The following MON1A variants were observed in gnomAD, a reference collection of about 807,000 sequenced individuals.
MON1A encodes the protein MON1 vesicular trafficking associated A.
Under a neutral mutation model 44.6 loss-of-function variants are expected in MON1A, and 29 were observed. The ratio of observed to expected loss-of-function variants is 0.65; its 90% confidence interval spans 0.48 to 0.89. The LOEUF is 0.89. Among genes scored for constraint, MON1A ranks in the 40% least tolerant of loss-of-function variants. MON1A has a pLI of 0.00. For synonymous variants in MON1A, 275 were observed against 316.4 expected (o/e 0.87, Z 1.39); for missense variants, 615 against 759.6 (o/e 0.81, Z 2.24).
Position 49,929,753 on chromosome 3 carries a change from C to A in MON1A, c.-158G>T. The A allele has an allele frequency of 6.5e-7, 1 of 1,549,758 alleles. No homozygotes were observed. Among genetic ancestry groups the A allele is most frequent in the Non-Finnish European group, 8.7e-7 (1 of 1,146,716 alleles). ...CGGCCCCCTGCGTACACAGACATGG[C>A]CACAGCGCAGGCACCGCTCCCTCCC... On this transcript the variant is annotated 5_prime_UTR_variant, in exon 1 of 6. Coordinates refer to ENST00000296473, the MANE Select transcript of MON1A (RefSeq NM_032355.4).
chr3:49,924,500 GA>G, intron 1 of MON1A: 1 of 276,964 alleles, frequency 3.6e-6, no homozygotes, highest in Non-Finnish European at 7.6e-6. Context: ...ACAACATGGT[GA>G]AACCCCATCT....
Position 49,911,484 on chromosome 3 carries a change from TGGCC to T in MON1A, c.613+38_613+41del. The T allele has an allele frequency of 6.4e-7, 1 of 1,566,218 alleles. No individual in the cohort carries two copies. The highest frequency in any genetic ancestry group is 1.9e-4 in the Middle Eastern group (1 of 5,278). On this transcript the variant is annotated intron_variant, in intron 3 of 5. Transcript: ENST00000296473. This position sits in a 1 kb window ranked among gnomAD's most constrained non-coding sequence, Gnocchi z 5.7. ...TCCAAAACCTGCTATGAATGAACCT[TGGCC>T]AGGGGAGCCCGCCCCATTCCCTCTC...
chr3:49,926,569 A>T (rs1456942993), intron 1 of MON1A, among the ~76,000 whole-genome samples: 1 of 151,790 alleles, frequency 6.6e-6, no homozygotes, highest in African/African-American at 2.4e-5. Context: ...TGATCCTTCC[A>T]CCTCAGCCTC....
chr3:49,922,585 A>G (rs1011226285), intron 1 of MON1A, among the ~76,000 whole-genome samples: 16 of 149,196 alleles, frequency 1.1e-4, no homozygotes, highest in Non-Finnish European at 1.6e-4. Context: ...GAAGGAAGGA[A>G]AGAAGGAAGG....
intron 1 of MON1A, among the ~76,000 whole-genome samples, chr3:49,917,588 G>A (rs983138146): frequency 1.1e-4 from 17 of 151,480 alleles, no homozygotes; most frequent in African/African-American, 4.1e-4. Flanking sequence ...ACGCCTGGCC[G>A]GAATGCCCTA....
intron 1 of MON1A, among the ~76,000 whole-genome samples, chr3:49,919,137 C>T (rs1374209680): frequency 1.3e-5 from 2 of 152,122 alleles, no homozygotes; most frequent in Non-Finnish European, 2.9e-5. Flanking sequence ...GAGTGGTGAT[C>T]ACACCACTGC....
In MON1A at chr3:49,918,164, C is replaced by T. The variant is rs141918568; in HGVS notation, c.-13-4805G>A. Among the ~76,000 whole-genome samples, 1,390 of 151,962 alleles carry T rather than the reference C, an allele frequency of 9.1e-3. 24 individuals are homozygous for T. Among genetic ancestry groups the T allele is most frequent in the African/African-American group, 0.032 (1,340 of 41,444 alleles). On this transcript the variant is annotated intron_variant, in intron 1 of 5. Coordinates refer to ENST00000296473, the MANE Select transcript of MON1A (RefSeq NM_032355.4). ...CCAGCCTGACTAACATGGTGAAACC[C>T]CATCTCTACTAAATAAAAAAAAATT...
At chr3:49,918,264 G>C (rs1195961945) in intron 1 of MON1A, among the ~76,000 whole-genome samples, 1 of 151,774 alleles carries the variant, frequency 6.6e-6, no homozygotes, top group African/African-American at 2.4e-5. Context: ...TTGTACCTGG[G>C]AGGCAGAGGT....
chr3:49,909,304 G>A lies in MON1A; in HGVS notation c.1476C>T (p.Arg492=). 1 of 1,614,012 alleles carries A rather than the reference G, an allele frequency of 6.2e-7. No individual in the cohort carries two copies. Residue 492 remains arginine (R), a synonymous_variant, in exon 5 of 6, where the codon CGC becomes CGT. Transcript: ENST00000296473. The surrounding 1 kb of genome is among the most constrained non-coding windows in gnomAD (Gnocchi z 4.0). ...YLHSRAHNAS[R]PLKTIYYTGP... The stretch of plus-strand genomic sequence containing the variant: ...CCGTGTAGTAAATGGTCTTGAGTGG[G>A]CGAGAGGCATTGTGGGCACGACTGT...
At chr3:49,913,660 A>ATTTT (rs1165487319) in intron 1 of MON1A, among the ~76,000 whole-genome samples, 2 of 113,696 alleles carry the variant, frequency 1.8e-5, no homozygotes, top group Non-Finnish European at 1.9e-5. Context: ...TCCTTCTAGT[A>ATTTT]TTTTTTTTTT....
At chr3:49,923,335 A>G (rs1236003513) in intron 1 of MON1A, among the ~76,000 whole-genome samples, 3 of 87,526 alleles carry the variant, frequency 3.4e-5, no homozygotes, top group African/African-American at 4.1e-5. Context: ...CTGGGAGGGA[A>G]GGAAGGGAGG....
rs772156767 is a variant in MON1A, at chr3:49,913,243, C to G, written c.104G>C (p.Gly35Ala). 1.2e-6 allele frequency: 2 copies of G among 1,614,230 alleles called. No individual in the cohort carries two copies. Among genetic ancestry groups the G allele is most frequent in the Non-Finnish European group, 1.7e-6 (2 of 1,180,046 alleles). Residue 35 changes from glycine (G) to alanine (A), a missense_variant, in exon 2 of 6, where the codon GGA (glycine) becomes GCA (alanine). Gly to Ala is a moderately conservative substitution (Grantham distance 60). Coordinates refer to ENST00000296473, the MANE Select transcript of MON1A (RefSeq NM_032355.4). Reference sequence around the variant, plus strand: ...ACCTGGCTCCATTCCCTGGGCCATTCCTGGTGTGGGGCTCTCAGCTCTCTC... The same window carrying G: ...ACCTGGCTCCATTCCCTGGGCCATTGCTGGTGTGGGGCTCTCAGCTCTCTC... ...SMERAESPTP[G>A]MAQGMEPGAG...
rs767926183 is a variant in MON1A, at chr3:49,911,546, G to A, written c.593C>T (p.Ala198Val). Reference protein sequence around the residue: ...LVSFLEADKNAIRSIHADGYK... With the variant: ...LVSFLEADKNVIRSIHADGYK... ...CTCACCTGCATGGATGGAGCGGATG[G>A]CGTTCTTGTCTGCCTCCAGGAAGGA... is the stretch of plus-strand genomic sequence containing the variant. The change falls in exon 3 of 6, where the codon GCC (alanine) becomes GTC (valine). Residue 198 changes from alanine (A) to valine (V), a missense_variant. Coordinates refer to ENST00000296473, the MANE Select transcript of MON1A (RefSeq NM_032355.4). The surrounding 1 kb of genome is among the most constrained non-coding windows in gnomAD (Gnocchi z 5.7). 3.1e-6 allele frequency: 5 copies of A among 1,612,130 alleles called. No individual in the cohort carries two copies. In the Admixed American group the frequency reaches 8.3e-5, roughly 27 times the overall value.
intron 1 of MON1A, among the ~76,000 whole-genome samples, chr3:49,919,043 TGTG>T: frequency 6.6e-6 from 1 of 152,056 alleles, no homozygotes; most frequent in East Asian, 1.9e-4. Flanking sequence ...ATTAACCAGG[TGTG>T]GTGGCATGCA....
intron 1 of MON1A, among the ~76,000 whole-genome samples, chr3:49,921,333 A>AT (rs1451590651): frequency 2.0e-5 from 3 of 149,842 alleles, no homozygotes; most frequent in Non-Finnish European, 4.5e-5. Flanking sequence ...AATTTTTTGT[A>AT]TTTTTTAGTA....
Position 49,911,440 on chromosome 3 carries a change from G to A in MON1A, c.613+86C>T, listed in dbSNP as rs1430876799. ...ACCCTCAGTCACACAGCACATCCCA[G>A]CCCTCTGGTCTGCAGGGGTCCAAAA... On this transcript the variant is annotated intron_variant, in intron 3 of 5. Transcript: ENST00000296473. This position sits in a 1 kb window ranked among gnomAD's most constrained non-coding sequence, Gnocchi z 5.7. 6.6e-7 allele frequency: 1 copy of A among 1,510,816 alleles called. No individual in the cohort carries two copies. Among genetic ancestry groups the A allele is most frequent in the African/African-American group, 1.4e-5 (1 of 71,902 alleles). 93.6% of individuals were successfully genotyped at this position (1,510,816 alleles called of 1,614,324 possible).
At position 49,909,499 on chromosome 3, in the gene MON1A, C is replaced by T; in HGVS notation, c.1380-99G>A. ...CTATTCCTATCCAGGAAGACTCTAT[C>T]TTATGTCCTACCCTCCAGGTGCTCC... On this transcript the variant is annotated intron_variant, in intron 4 of 5. Coordinates refer to ENST00000296473, the MANE Select transcript of MON1A (RefSeq NM_032355.4). This position sits in a 1 kb window ranked among gnomAD's most constrained non-coding sequence, Gnocchi z 4.0. 1 of 1,496,578 alleles carries T rather than the reference C, an allele frequency of 6.7e-7. No individual in the cohort carries two copies. Among genetic ancestry groups the T allele is most frequent in the Non-Finnish European group, 9.1e-7 (1 of 1,102,306 alleles). 92.7% of individuals were successfully genotyped at this position (1,496,578 alleles called of 1,614,324 possible).
chr3:49,910,238 G>A lies in MON1A; in HGVS notation c.1260C>T (p.Arg420=). 1.2e-6 allele frequency: 2 copies of A among 1,614,106 alleles called. No homozygotes were observed. Among genetic ancestry groups the A allele is most frequent in the South Asian group, 1.1e-5 (1 of 91,082 alleles). Residue 420 remains arginine (R), a synonymous_variant, in exon 4 of 6, where the codon CGC becomes CGT. Coordinates refer to ENST00000296473, the MANE Select transcript of MON1A (RefSeq NM_032355.4). The surrounding 1 kb of genome is among the most constrained non-coding windows in gnomAD (Gnocchi z 8.0). ...RRRFQERLRK[R]GAHLALREAL... is the part of the protein sequence containing the mutation. ...CCTCTCGCAGGGCCAGGTGGGCTCC[G>A]CGCTTGCGAAGGCGCTCCTGGAAGC...
rs765125214 is a variant in MON1A, at chr3:49,910,557, C to T, written c.941G>A (p.Arg314His). The change falls in exon 4 of 6, where the codon CGT (arginine) becomes CAT (histidine). Residue 314 changes from arginine (R) to histidine (H), a missense_variant. Physicochemically the swap from Arg to His is conservative, Grantham distance 29 (BLOSUM62 0). Transcript: ENST00000296473. The surrounding 1 kb of genome is among the most constrained non-coding windows in gnomAD (Gnocchi z 8.0). ...DTVSASLQQARARSLVFSILL... is the reference protein window; with the variant it reads ...DTVSASLQQAHARSLVFSILL... ...GATGGAGAAGACCAGGCTGCGCGCACGCGCCTGCTGCAGGCTGGCGCTCAC... is the reference window on the plus strand; with the variant it reads ...GATGGAGAAGACCAGGCTGCGCGCATGCGCCTGCTGCAGGCTGGCGCTCAC... 3.1e-6 allele frequency: 5 copies of T among 1,612,020 alleles called. No homozygotes were observed. Among genetic ancestry groups the T allele is most frequent in the Admixed American group, 1.7e-5 (1 of 59,702 alleles).
Sources: gnomAD v4.1 joint callset for allele counts (sites outside exome capture counted in the v4.1 genomes callset) on GRCh38, gnomAD v4.1.1 for gene constraint, Gnocchi (gnomAD v3.1) non-coding constraint, MANE v1.5 for transcripts, NCBI Gene and HGNC (gene_info 2026-07-23, HGNC 2026-07-21) for gene names.